The following ADGRL3 variants were observed in gnomAD, a reference collection of about 807,000 sequenced individuals.
The protein encoded by ADGRL3 is adhesion G protein-coupled receptor L3.
ADGRL3 carries 62 observed loss-of-function variants against 153.5 expected under a neutral mutation model. The ratio of observed to expected loss-of-function variants is 0.40; its 90% CI spans 0.33 to 0.50. The LOEUF is 0.50. Among genes scored for constraint, ADGRL3 ranks in the 20% least tolerant of loss-of-function variants. The probability of loss-of-function intolerance (pLI) is 0.47; values close to 1 mark genes in which losing one functional copy is unlikely to be tolerated. For synonymous variants in ADGRL3, 710 were observed against 672.5 expected, an observed-to-expected ratio of 1.06 and a Z score of -0.86; for missense variants, 1,641 against 1,859.4, an observed-to-expected ratio of 0.88 and a Z score of 2.16.
At chr4:61,990,952 C>CTGTGTGTGTGTGTGTGTGTG (rs34294452) in intron 19 of ADGRL3, among the ~76,000 whole-genome samples, 13 of 142,366 alleles carry the variant, frequency 9.1e-5, no homozygotes, top group Non-Finnish European at 1.2e-4. Context: ...ATGTTTGAAA[C>CTGTGTGTGTGTGTGTGTGTG]TGTGTGTGTG....
intron 1 of ADGRL3, among the ~76,000 whole-genome samples, chr4:61,261,496 T>C (rs2149597669): frequency 6.6e-6 from 1 of 152,308 alleles, no homozygotes. Flanking sequence ...TGATGCACTG[T>C]TGGTTGAATC....
intron 4 of ADGRL3, among the ~76,000 whole-genome samples, chr4:61,583,110 A>G (rs546680461): frequency 6.6e-6 from 1 of 152,176 alleles, no homozygotes; most frequent in African/African-American, 2.4e-5. Flanking sequence ...GACTATATTT[A>G]GTCTTTTACT....
chr4:61,437,996 A>C (rs2097474044), intron 2 of ADGRL3, among the ~76,000 whole-genome samples: 1 of 152,136 alleles, frequency 6.6e-6, no homozygotes, highest in Admixed American at 6.5e-5. Context: ...AGCATACTTA[A>C]CAGAATTTTA....
chr4:61,361,847 C>A (rs2096286577), intron 1 of ADGRL3, among the ~76,000 whole-genome samples: 1 of 150,424 alleles, frequency 6.6e-6, no homozygotes, highest in African/African-American at 2.4e-5. Flanking sequence ...AATAAATAAG[C>A]ATAAAGTATA....
chr4:61,967,402 G>T (rs1177185716), intron 17 of ADGRL3, among the ~76,000 whole-genome samples: 1 of 152,008 alleles, frequency 6.6e-6, no homozygotes, highest in Non-Finnish European at 1.5e-5. Flanking sequence ...ACAGTCAAAA[G>T]TAAAATTTAC....
Position 61,928,991 on chromosome 4 carries a change from T to C in ADGRL3, c.2113-5849T>C, listed in dbSNP as rs539062330. 2.6e-5 allele frequency among the ~76,000 whole-genome samples: 4 copies of C among 152,134 alleles called. No homozygotes were observed. In the South Asian group the frequency reaches 6.2e-4, roughly 24 times the overall value. On this transcript the variant is annotated intron_variant, in intron 13 of 26. Transcript: ENST00000683033. ...TATGATGTCTTCTCTAAGGACATGA[T>C]AGTCTGGTGAGAAAATCAGAACAAA...
intron 1 of ADGRL3, among the ~76,000 whole-genome samples, chr4:61,236,671 T>C (rs1752977149): frequency 1.3e-5 from 2 of 152,276 alleles, no homozygotes; most frequent in Non-Finnish European, 2.9e-5. Flanking sequence ...TAAGTAGAGG[T>C]CAGTGTAAGA....
intron 1 of ADGRL3, among the ~76,000 whole-genome samples, chr4:61,270,730 A>G (rs71607289): frequency 4.0e-5 from 6 of 151,726 alleles, no homozygotes; most frequent in African/African-American, 1.4e-4. Flanking sequence ...GCCATTTATA[A>G]CAGCTAATAC....
intron 5 of ADGRL3, among the ~76,000 whole-genome samples, chr4:61,654,271 TTTTA>T (rs1280883304): frequency 6.6e-6 from 1 of 152,124 alleles, no homozygotes; most frequent in Non-Finnish European, 1.5e-5. Flanking sequence ...AATGTGACTT[TTTTA>T]TTTAAAAATT....
At chr4:61,375,311 A>G (rs1289875254) in intron 1 of ADGRL3, among the ~76,000 whole-genome samples, 2 of 152,216 alleles carry the variant, frequency 1.3e-5, no homozygotes, top group African/African-American at 4.8e-5. Context: ...TTTGTGAACT[A>G]AAAACTGGAG....
intron 2 of ADGRL3, among the ~76,000 whole-genome samples, chr4:61,456,326 A>G (rs1226600361): frequency 6.8e-6 from 1 of 147,528 alleles, no homozygotes; most frequent in African/African-American, 2.5e-5. Flanking sequence ...CATATATTTA[A>G]TAATAAACCA....
intron 6 of ADGRL3, among the ~76,000 whole-genome samples, chr4:61,699,163 T>A (rs1340829659): frequency 6.6e-6 from 1 of 152,116 alleles, no homozygotes; most frequent in Non-Finnish European, 1.5e-5. Flanking sequence ...GGTTTACAGC[T>A]GGAAAAATGA....
intron 2 of ADGRL3, among the ~76,000 whole-genome samples, chr4:61,433,452 C>T (rs576216698): frequency 6.6e-6 from 1 of 152,080 alleles, no homozygotes; most frequent in Non-Finnish European, 1.5e-5. Flanking sequence ...TCTCACCTTA[C>T]TTAAATATCA....
At chr4:61,539,566 T>G (rs2098678263) in intron 4 of ADGRL3, among the ~76,000 whole-genome samples, 1 of 152,080 alleles carries the variant, frequency 6.6e-6, no homozygotes, top group Non-Finnish European at 1.5e-5. Context: ...ACAGAAAGGC[T>G]TAGATTTCTA....
At chr4:61,786,306 A>G (rs1057376035) in intron 8 of ADGRL3, among the ~76,000 whole-genome samples, 3 of 152,124 alleles carry the variant, frequency 2.0e-5, no homozygotes, top group Non-Finnish European at 4.4e-5. Context: ...TCTTCTTCCT[A>G]TGGTTTAAAT....
At chr4:61,667,194 G>C (rs1488420274) in intron 5 of ADGRL3, among the ~76,000 whole-genome samples, 1 of 152,156 alleles carries the variant, frequency 6.6e-6, no homozygotes, top group Admixed American at 6.5e-5. Context: ...CCAGAGGTAT[G>C]TGGAGTATTT....
intron 1 of ADGRL3, among the ~76,000 whole-genome samples, chr4:61,290,461 T>C (rs541911515): frequency 4.6e-5 from 7 of 152,154 alleles, no homozygotes; most frequent in Admixed American, 3.9e-4. Flanking sequence ...GCACACACAA[T>C]GGTAAGGAAG....
At chr4:61,656,690 G>C (rs2094451211) in intron 5 of ADGRL3, among the ~76,000 whole-genome samples, 1 of 152,142 alleles carries the variant, frequency 6.6e-6, no homozygotes, top group Admixed American at 6.6e-5. Flanking sequence ...TACATTCTGA[G>C]ACTGGGTCAC....
At chr4:61,788,044 G>A (rs2097298092) in intron 8 of ADGRL3, among the ~76,000 whole-genome samples, 1 of 152,146 alleles carries the variant, frequency 6.6e-6, no homozygotes, top group South Asian at 2.1e-4. Flanking sequence ...TGATTGATGG[G>A]CATTTGGGCT....
Sources: gnomAD v4.1 joint callset for allele counts (sites outside exome capture counted in the v4.1 genomes callset) on GRCh38, gnomAD v4.1.1 for gene constraint, MANE v1.5 for transcripts, NCBI Gene and HGNC (gene_info 2026-07-23, HGNC 2026-07-21) for gene names.